Variants in KIAA2012 observed in about 807,000 individuals in gnomAD.
KIAA2012 encodes KIAA2012.
A neutral mutation model predicts 150.6 loss-of-function variants in KIAA2012; 125 were observed. The observed-to-expected ratio is 0.83, with a 90% CI of 0.72 to 0.96. The LOEUF (loss-of-function observed/expected upper bound fraction) is 0.96, where lower values mean the gene tolerates loss of function less well. KIAA2012 is among the 40% of genes least tolerant of loss of function. KIAA2012 has a pLI of 0.00. For missense variants in KIAA2012, 1,219 were observed against 1,354.9 expected (o/e 0.90, Z 1.57); for synonymous variants, 462 against 504.7 (o/e 0.92, Z 1.13).
chr2:202,150,236 T>C (rs77251002), intron 13 of KIAA2012, among the ~76,000 whole-genome samples: 13,376 of 152,306 alleles, frequency 0.088, 822 homozygotes, highest in South Asian at 0.25. Flanking sequence ...AAATCAGCTT[T>C]ACCAAATTAA....
chr2:202,073,889 C>A (rs898641302), intron 1 of KIAA2012, among the ~76,000 whole-genome samples, 178 bp downstream of exon 1: 1 of 151,568 alleles, frequency 6.6e-6, no homozygotes, highest in Non-Finnish European at 1.5e-5. Context: ...ATTTTCCTGA[C>A]ACACCGAGAT....
chr2:202,135,092 T>C (rs1447923573), intron 12 of KIAA2012, among the ~76,000 whole-genome samples: 1 of 152,228 alleles, frequency 6.6e-6, no homozygotes, highest in Non-Finnish European at 1.5e-5. Context: ...TGCCTGATTA[T>C]CTGGTGGGAA....
At chr2:202,199,619 T>G (rs1229446535) in intron 22 of KIAA2012, among the ~76,000 whole-genome samples, 1 of 152,100 alleles carries the variant, frequency 6.6e-6, no homozygotes, top group Non-Finnish European at 1.5e-5. Flanking sequence ...ACAATTTAGA[T>G]GAACTGAAAT....
At chr2:202,194,107 C>A in intron 20 of KIAA2012, 83 bp from the exon 21 acceptor site, 1 of 1,449,948 alleles carries the variant, frequency 6.9e-7, no homozygotes, top group Non-Finnish European at 9.3e-7. Context: ...AGAGCCTCCC[C>A]CATGGGCACT....
intron 15 of KIAA2012, among the ~76,000 whole-genome samples, chr2:202,177,010 A>G (rs1692004102): frequency 6.6e-6 from 1 of 152,208 alleles, no homozygotes; most frequent in African/African-American, 2.4e-5. Flanking sequence ...AACATTATTA[A>G]TAATCATAAA....
chr2:202,181,817 C>T (rs558565594), intron 15 of KIAA2012, among the ~76,000 whole-genome samples: 23 of 152,216 alleles, frequency 1.5e-4, no homozygotes, highest in African/African-American at 4.8e-4. Context: ...CTGGTTTAGG[C>T]ACTTTCCTTG....
Position 202,105,802 on chromosome 2 carries a change from T to C in KIAA2012, c.1366T>C (p.Ser456Pro). ...PESEPESSEESTPVWRPPLKH... is the reference protein window; with the variant it reads ...PESEPESSEEPTPVWRPPLKH... Reference sequence around the variant, plus strand: ...GTCAGAACCAGAAAGCAGCGAAGAATCCACACCTGTGTGGAGACCTCCCCT... The same window carrying C: ...GTCAGAACCAGAAAGCAGCGAAGAACCCACACCTGTGTGGAGACCTCCCCT... Residue 456 changes from serine (S) to proline (P), a missense_variant, in exon 9 of 24, where the codon TCC becomes CCC. Transcript: ENST00000498697. The C allele has an allele frequency of 6.4e-7, 1 of 1,550,670 alleles. No individual in the cohort carries two copies. Among genetic ancestry groups the C allele is most frequent in the South Asian group, 1.2e-5 (1 of 84,062 alleles).
At position 202,190,193 on chromosome 2, in the gene KIAA2012, G is replaced by A; in HGVS notation, c.2511G>A (p.Lys837=). ...CCCCAGGAAAGTCAAAGGACTCAAA[G>A]GCTAAAAAAAAATTAGAAAAAAAAA... is the stretch of plus-strand genomic sequence containing the variant. ...EAAIGKSKDS[K]AKKKLEKKTR... is the part of the protein sequence containing the mutation. The change falls in exon 19 of 24, where the codon AAG becomes AAA. Residue 837 remains lysine (K), a synonymous_variant. Transcript: ENST00000498697. 4.6e-6 allele frequency: 7 copies of A among 1,520,412 alleles called. No individual in the cohort carries two copies. The highest frequency in any genetic ancestry group is 6.1e-6 in the Non-Finnish European group (7 of 1,139,614). The allele number at this position is 1,520,412 out of a possible 1,614,324, so 94.2% of individuals were successfully genotyped here. A position where few individuals can be genotyped will look rare whatever the true frequency, so the allele number is the denominator to read the frequency against.
chr2:202,125,256 G>A lies in KIAA2012; in HGVS notation c.1805G>A (p.Gly602Glu), dbSNP rs975810876. 1 of 1,550,286 alleles carries A rather than the reference G, an allele frequency of 6.5e-7. No individual in the cohort carries two copies. Among genetic ancestry groups the A allele is most frequent in the Non-Finnish European group, 8.7e-7 (1 of 1,146,810 alleles). The change falls in exon 12 of 24, where the codon GGG becomes GAG. Residue 602 changes from glycine to glutamate, a missense_variant. Coordinates refer to ENST00000498697, the MANE Select transcript of KIAA2012 (RefSeq NM_001277372.4). ...TCAAATATCAGCCATGAAGAGGAAGGGCCTAGTAGTCAGCATTTCCTAAAA... is the reference window on the plus strand; with the variant it reads ...TCAAATATCAGCCATGAAGAGGAAGAGCCTAGTAGTCAGCATTTCCTAAAA... ...VNSNISHEEE[G>E]PSSQHFLKAN...
At chr2:202,204,076 GTT>G (rs143485165) in intron 23 of KIAA2012, among the ~76,000 whole-genome samples, 102,359 of 138,746 alleles carry the variant, frequency 0.74, 37,786 homozygotes, top group East Asian at 0.87. Flanking sequence ...GCGGTTTTTT[GTT>G]TTTTTTTTTT....
intron 2 of KIAA2012, among the ~76,000 whole-genome samples, chr2:202,086,645 T>G (rs1163546099): frequency 6.6e-6 from 1 of 152,204 alleles, no homozygotes; most frequent in Non-Finnish European, 1.5e-5. Context: ...GAGCAGGTGA[T>G]GCTGTATGTT....
At chr2:202,088,822 A>G (rs34195822) in intron 2 of KIAA2012, among the ~76,000 whole-genome samples, 9 of 152,086 alleles carry the variant, frequency 5.9e-5, no homozygotes, top group Non-Finnish European at 1.2e-4. Flanking sequence ...GCACTGTGAA[A>G]CCTGACTCTC....
chr2:202,201,880 T>C, intron 22 of KIAA2012: 3 of 1,146,892 alleles, frequency 2.6e-6, no homozygotes, highest in Non-Finnish European at 4.0e-6. Flanking sequence ...TGACCTTTGC[T>C]GTTCATGGTG....
chr2:202,181,114 C>T (rs1488886867), intron 15 of KIAA2012, among the ~76,000 whole-genome samples: 1 of 152,092 alleles, frequency 6.6e-6, no homozygotes, highest in East Asian at 1.9e-4. Flanking sequence ...GGATGACAGG[C>T]TTATGCCACC....
intron 13 of KIAA2012, among the ~76,000 whole-genome samples, chr2:202,146,251 C>T (rs1048194319): frequency 6.6e-6 from 1 of 152,048 alleles, no homozygotes; most frequent in African/African-American, 2.4e-5. Context: ...ATCCATAATC[C>T]CAGCACTTTG....
chr2:202,084,852 GAAGA>G (rs765460525), intron 2 of KIAA2012, among the ~76,000 whole-genome samples: 3 of 152,074 alleles, frequency 2.0e-5, no homozygotes, highest in Non-Finnish European at 4.4e-5. Flanking sequence ...AAAAGAGAGA[GAAGA>G]AAGAACTATT....
intron 13 of KIAA2012, among the ~76,000 whole-genome samples, chr2:202,139,552 T>G (rs923542463): frequency 6.6e-6 from 1 of 152,126 alleles, no homozygotes; most frequent in African/African-American, 2.4e-5. Flanking sequence ...CAGCACTCAT[T>G]ATACATAATG....
intron 12 of KIAA2012, among the ~76,000 whole-genome samples, chr2:202,131,849 G>A (rs2105940321): frequency 6.6e-6 from 1 of 152,278 alleles, no homozygotes. Context: ...ACCTTGCAAA[G>A]GAGGCAGGAG....
Position 202,150,432 on chromosome 2 carries a change from TG to T in KIAA2012, c.1909-4240del, listed in dbSNP as rs541357048. Among the ~76,000 whole-genome samples the T allele has an allele frequency of 3.1e-3, 463 of 149,366 alleles. 3 individuals are homozygous for T. The highest frequency in any genetic ancestry group is 0.01 in the African/African-American group (430 of 41,362). On this transcript the variant is annotated intron_variant, in intron 13 of 23. Coordinates refer to ENST00000498697, the MANE Select transcript of KIAA2012 (RefSeq NM_001277372.4). ...TTGTTTGGTGTGGGGTTTTTTTGTT[TG>T]TTTTTTTGTTTTTTGTTTTTTGTGT...
Sources: gnomAD v4.1 joint callset for allele counts (sites outside exome capture counted in the v4.1 genomes callset) on GRCh38, gnomAD v4.1.1 for gene constraint, MANE v1.5 for transcripts, NCBI Gene and HGNC (gene_info 2026-07-23, HGNC 2026-07-21) for gene names.